EML6: variants seen among roughly 807,000 people sequenced by gnomAD.
EML6 encodes the protein echinoderm microtubule-associated protein-like 6.
A neutral mutation model predicts 240.1 loss-of-function variants in EML6; 154 were observed. The ratio of observed to expected loss-of-function variants is 0.64; its 90% CI spans 0.56 to 0.73. The LOEUF (loss-of-function observed/expected upper bound fraction) is 0.73, where lower values mean the gene tolerates loss of function less well. EML6 is among the 30% of genes least tolerant of loss of function. The pLI, the probability that EML6 is intolerant of heterozygous loss-of-function variation, is 0.00. For missense variants in EML6, 2,964 were observed against 2,474.6 expected (o/e 1.20, Z -4.20); for synonymous variants, 1,148 against 899.0 (o/e 1.28, Z -4.95).
chr2:54,888,565 A>G (rs1189845395), intron 17 of EML6, among the ~76,000 whole-genome samples: 3 of 152,046 alleles, frequency 2.0e-5, no homozygotes, highest in African/African-American at 7.3e-5. Context: ...TTTTTTACCC[A>G]TGTTAGTAGT....
At chr2:54,745,174 C>T (rs1683858890) in intron 2 of EML6, among the ~76,000 whole-genome samples, 1 of 152,060 alleles carries the variant, frequency 6.6e-6, no homozygotes, top group African/African-American at 2.4e-5. Context: ...TGAGAAGGAC[C>T]AGGTTTGGTG....
chr2:54,818,688 G>T (rs1470953090), intron 4 of EML6, among the ~76,000 whole-genome samples: 1 of 152,212 alleles, frequency 6.6e-6, no homozygotes, highest in East Asian at 1.9e-4. Flanking sequence ...GACTGTGCAT[G>T]TGCTATTGCT....
intron 26 of EML6, among the ~76,000 whole-genome samples, chr2:54,921,219 C>T (rs1288223223): frequency 2.0e-5 from 3 of 151,728 alleles, no homozygotes; most frequent in Non-Finnish European, 4.4e-5. Context: ...CCCTAAAGAC[C>T]CCCCCAAAAG....
intron 2 of EML6, among the ~76,000 whole-genome samples, chr2:54,773,853 G>A (rs1413578555): frequency 6.6e-6 from 1 of 152,232 alleles, no homozygotes; most frequent in Non-Finnish European, 1.5e-5. Context: ...AGGCATCTTA[G>A]TGTGGCATGA....
chr2:54,905,728 TTC>T (rs1469683697), intron 24 of EML6, among the ~76,000 whole-genome samples: 1 of 152,184 alleles, frequency 6.6e-6, no homozygotes, highest in Non-Finnish European at 1.5e-5. Flanking sequence ...CCATTTTACT[TTC>T]TGTCTCTATG....
At chr2:54,788,675 AT>A (rs762229602) in intron 2 of EML6, among the ~76,000 whole-genome samples, 3 of 152,192 alleles carry the variant, frequency 2.0e-5, no homozygotes, top group Non-Finnish European at 4.4e-5. Flanking sequence ...GTCTAATAGA[AT>A]GGCTTATCAG....
chr2:54,926,768 A>AT (rs1352245321), intron 26 of EML6, among the ~76,000 whole-genome samples: 1 of 151,878 alleles, frequency 6.6e-6, no homozygotes, highest in East Asian at 1.9e-4. Flanking sequence ...GTGGCCCTGA[A>AT]TTTTTTCCTC....
intron 6 of EML6, among the ~76,000 whole-genome samples, chr2:54,828,925 C>T (rs1340317441): frequency 6.6e-6 from 1 of 152,142 alleles, no homozygotes; most frequent in African/African-American, 2.4e-5. Flanking sequence ...CACTTTTGTG[C>T]CTATGAAACT....
At chr2:54,747,922 G>C (rs1241776679) in intron 2 of EML6, among the ~76,000 whole-genome samples, 4 of 151,916 alleles carry the variant, frequency 2.6e-5, no homozygotes, top group Non-Finnish European at 5.9e-5. Context: ...ATTAATACTT[G>C]GATTACAGAA....
intron 6 of EML6, among the ~76,000 whole-genome samples, chr2:54,828,920 T>C (rs1490920530): frequency 6.6e-6 from 1 of 152,222 alleles, no homozygotes; most frequent in Admixed American, 6.5e-5. Flanking sequence ...TTGGGCACTT[T>C]TGTGCCTATG....
chr2:54,930,936 G>T (rs186520440), intron 28 of EML6, among the ~76,000 whole-genome samples: 49 of 147,930 alleles, frequency 3.3e-4, no homozygotes, highest in African/African-American at 1.1e-3. Flanking sequence ...GAACCTCAGA[G>T]ATCAGACCGT....
chr2:54,843,947 G>T, intron 7 of EML6, 100 bp from the exon 8 acceptor site: 1 of 879,316 alleles, frequency 1.1e-6, no homozygotes, highest in Non-Finnish European at 1.8e-6. Flanking sequence ...TGGTTAAAGG[G>T]CATTTACTTT....
In EML6 at chr2:54,964,018, G is replaced by A. The variant is rs780004292; in HGVS notation, c.5190G>A (p.Ala1730=). 1.5e-5 allele frequency: 23 copies of A among 1,551,448 alleles called. No homozygotes were observed. The highest frequency in any genetic ancestry group is 1.7e-4 in the Middle Eastern group (1 of 6,010). ...TAAACAAGGTGAGCTTGGGCCATGC[G>A]GCCAGGTGTGCAGCCTACAGCCCTG... ...KLLNKVSLGH[A]ARCAAYSPDG... The change falls in exon 37 of 42, where the codon GCG becomes GCA. Residue 1730 remains alanine, a synonymous_variant. Coordinates refer to ENST00000356458, the MANE Select transcript of EML6 (RefSeq NM_001039753.4).
rs796515025 is a variant in EML6, at chr2:54,882,873, A to AAAAAAAAAAAAAAAAAAAAAAAAAAAAG, written c.2438+3234_2438+3235insAAAAAAAAAAAAAAAAAAAAAAAAAAGA. The AAAAAAAAAAAAAAAAAAAAAAAAAAAAG allele has an allele frequency of 1.1e-3, 128 of 112,292 alleles. 4 individuals are homozygous for AAAAAAAAAAAAAAAAAAAAAAAAAAAAG. The highest frequency in any genetic ancestry group is 1.6e-3 in the Non-Finnish European group (85 of 52,916). The allele number at this position is 112,292 out of a possible 1,614,324, so 7.0% of individuals were successfully genotyped here. On this transcript the variant is annotated intron_variant, in intron 17 of 41. Transcript: ENST00000356458. ...ACTCCGTCTCAAAAAAAAAAAAAAA[A>AAAAAAAAAAAAAAAAAAAAAAAAAAAAG]AGAAAGCTTAGGGACACACTAAGCT...
chr2:54,848,353 T>A (rs1014345051), intron 9 of EML6, among the ~76,000 whole-genome samples: 3 of 152,218 alleles, frequency 2.0e-5, no homozygotes, highest in African/African-American at 7.2e-5. Context: ...TCTCCATAGC[T>A]TTGATTGGAG....
intron 17 of EML6, among the ~76,000 whole-genome samples, chr2:54,886,168 T>C (rs1558650443): frequency 7.0e-6 from 1 of 143,556 alleles, no homozygotes; most frequent in Non-Finnish European, 1.5e-5. Context: ...TTCTTTTTTT[T>C]TTTTTTTTTT....
chr2:54,747,495 G>T (rs1400569456), intron 2 of EML6: 2 of 152,172 alleles, frequency 1.3e-5, no homozygotes, highest in African/African-American at 4.8e-5. Context: ...GGGACATTTT[G>T]TGAAATGACT....
chr2:54,851,797 G>C (rs149322008), intron 10 of EML6, among the ~76,000 whole-genome samples: 1 of 152,282 alleles, frequency 6.6e-6, no homozygotes, highest in East Asian at 1.9e-4. Flanking sequence ...TAATGCTTCT[G>C]TCAGTGCCTT....
chr2:54,936,009 A>C (rs570939619), intron 28 of EML6, among the ~76,000 whole-genome samples: 4 of 152,338 alleles, frequency 2.6e-5, no homozygotes, highest in Non-Finnish European at 5.9e-5. Flanking sequence ...CAGCCTGGCC[A>C]ACAGAGCGAG....
Sources: allele counts gnomAD v4.1 joint callset (sites outside exome capture counted in the v4.1 genomes callset), GRCh38; gene constraint gnomAD v4.1.1; transcripts MANE v1.5; gene names NCBI Gene and HGNC (gene_info 2026-07-23, HGNC 2026-07-21).